The following CHFR variants were observed in gnomAD, a reference collection of about 807,000 sequenced individuals.
CHFR encodes E3 ubiquitin-protein ligase CHFR.
In CHFR, 57 loss-of-function variants were observed where a neutral mutation model predicts 87.6. That is an observed-to-expected ratio of 0.65 (90% CI 0.53 to 0.81). The LOEUF is 0.81. Among genes scored for constraint, CHFR ranks in the 30% least tolerant of loss-of-function variants. The pLI, the probability that CHFR is intolerant of heterozygous loss-of-function variation, is 0.00. For synonymous variants in CHFR, 381 were observed against 359.2 expected, an observed-to-expected ratio of 1.06 and a Z score of -0.69; for missense variants, 797 against 865.8, an observed-to-expected ratio of 0.92 and a Z score of 1.00.
Position 132,848,676 on chromosome 12 carries a change from C to T in CHFR, c.1541G>A (p.Arg514Gln), listed in dbSNP as rs146156998. The T allele has an allele frequency of 5.6e-6, 9 of 1,596,706 alleles. No homozygotes were observed. Among genetic ancestry groups the T allele is most frequent in the Admixed American group, 1.7e-5 (1 of 57,700 alleles). Residue 514 changes from arginine (R) to glutamine (Q), a missense_variant, in exon 13 of 18, where the codon CGG (arginine) becomes CAG (glutamine). Transcript: ENST00000450056. ...PFCHLYWGCT[R>Q]TGCYGCLAPF... ...GGCCAGGCAGCCGTAGCAGCCGGTC[C>T]GGGTGCAGCCCCAGTACAGGTGGCA...
intron 11 of CHFR, 93 bp downstream of exon 11, chr12:132,853,338 G>GGCGGGCAGAGC: frequency 7.7e-7 from 1 of 1,305,850 alleles, no homozygotes; most frequent in Non-Finnish European, 1.0e-6. Context: ...GCAGACAGGA[G>GGCGGGCAGAGC]GCGGGCAGAG....
chr12:132,841,235 GA>G lies in CHFR; in HGVS notation c.*318del. Reference sequence around the variant, plus strand: ...GACTTCTGCTTTAACTGTAGTTTCGGAAAATGTACAAAAGAGCAAAACTGCC... The same window carrying G: ...GACTTCTGCTTTAACTGTAGTTTCGGAAATGTACAAAAGAGCAAAACTGCC... On this transcript the variant is annotated 3_prime_UTR_variant, in exon 18 of 18. Transcript: ENST00000450056. 3.7e-6 allele frequency: 1 copy of G among 272,778 alleles called. No homozygotes were observed. 16.9% of individuals were successfully genotyped at this position (272,778 alleles called of 1,614,324 possible). A position where few individuals can be genotyped will look rare whatever the true frequency, so the allele number is the denominator to read the frequency against.
intron 2 of CHFR, 135 bp downstream of exon 2, chr12:132,887,060 TA>T: frequency 2.9e-6 from 2 of 693,112 alleles, no homozygotes; most frequent in Non-Finnish European, 4.4e-6. Flanking sequence ...GAACACCGAA[TA>T]AATACCAGTT....
At chr12:132,883,330 G>A (rs188596077) in intron 2 of CHFR, among the ~76,000 whole-genome samples, 48 of 151,110 alleles carry the variant, frequency 3.2e-4, no homozygotes, top group African/African-American at 1.0e-3. Flanking sequence ...GGATGCTGAG[G>A]AAGGAGAATC....
At position 132,851,661 on chromosome 12, in the gene CHFR, C is replaced by A; in HGVS notation, c.1449G>T (p.Arg483=). 2.5e-6 allele frequency: 4 copies of A among 1,613,202 alleles called. No individual in the cohort carries two copies. The highest frequency in any genetic ancestry group is 3.4e-6 in the Non-Finnish European group (4 of 1,179,920). Residue 483 remains arginine (R), a synonymous_variant, in exon 12 of 18, where the codon CGG becomes CGT. Coordinates refer to ENST00000450056, the MANE Select transcript of CHFR (RefSeq NM_001161346.2). ...GCGGGTCCTGCTCGCGCTCCGCTCT[C>A]CGGTCGGGCATGGGCTGGAAGCAGC... The part of the protein sequence containing the change: ...CTCCFQPMPD[R]RAEREQDPRV...
At chr12:132,853,969 C>T (rs1176723282) in intron 10 of CHFR, 1 of 177,950 alleles carries the variant, frequency 5.6e-6, no homozygotes, top group African/African-American at 2.4e-5. Context: ...TACTGGGAGC[C>T]ACACCAGGCG....
chr12:132,884,301 C>T (rs1281816904), intron 2 of CHFR, among the ~76,000 whole-genome samples: 1 of 151,806 alleles, frequency 6.6e-6, no homozygotes, highest in Non-Finnish European at 1.5e-5. Flanking sequence ...TACTTGTAAT[C>T]CCAGCTACTC....
At chr12:132,862,541 C>T (rs1951237243) in intron 6 of CHFR, 1 of 372,492 alleles carries the variant, frequency 2.7e-6, no homozygotes, top group Admixed American at 3.4e-5. Flanking sequence ...GAGTTCGAGG[C>T]TACAGTGAGC....
Position 132,856,527 on chromosome 12 carries a change from T to A in CHFR, c.1170A>T (p.Glu390Asp). ...GCTCCAGCAGGTCCTCTGAACTCCC[T>A]TCTTCATCAGAAAAAGACCGCCTGA... ...PKVRRSFSDEEGSSEDLLELS... is the reference protein window; with the variant it reads ...PKVRRSFSDEDGSSEDLLELS... Residue 390 changes from glutamate to aspartate, a missense_variant, in exon 10 of 18, where the codon GAA becomes GAT. By Grantham distance (45) the Glu-to-Asp change is conservative. Transcript: ENST00000450056. 6.2e-7 allele frequency: 1 copy of A among 1,614,218 alleles called. No individual in the cohort carries two copies. Among genetic ancestry groups the A allele is most frequent in the Non-Finnish European group, 8.5e-7 (1 of 1,180,038 alleles).
intron 15 of CHFR, 32 bp from the exon 16 acceptor site, chr12:132,844,166 A>G: frequency 2.1e-6 from 2 of 956,006 alleles, no homozygotes; most frequent in Non-Finnish European, 2.9e-6. Context: ...ACCCAGCAAC[A>G]CCATCTTCCC....
chr12:132,838,797 G>C lies in CHFR; in HGVS notation c.*2757C>G, dbSNP rs1352656818. ...GAGGAAGTACAGAAGCTCATGAAAAGACGGAATGAGTTCACGGCCACCTGC... is the reference window on the plus strand; with the variant it reads ...GAGGAAGTACAGAAGCTCATGAAAACACGGAATGAGTTCACGGCCACCTGC... On this transcript the variant is annotated 3_prime_UTR_variant, in exon 18 of 18. Transcript: ENST00000450056. 1 of 152,244 alleles carries C rather than the reference G, an allele frequency of 6.6e-6. No homozygotes were observed. The highest frequency in any genetic ancestry group is 1.5e-5 in the Non-Finnish European group (1 of 68,070). 9.4% of individuals were successfully genotyped at this position (152,244 alleles called of 1,614,324 possible). A position where few individuals can be genotyped will look rare whatever the true frequency, so the allele number is the denominator to read the frequency against.
intron 8 of CHFR, among the ~76,000 whole-genome samples, chr12:132,858,692 C>A (rs1951139086): frequency 8.1e-6 from 1 of 124,084 alleles, no homozygotes; most frequent in Admixed American, 1.0e-4. Flanking sequence ...TGTGCCACTG[C>A]ACTCCAGCCT....
intron 12 of CHFR, chr12:132,849,960 A>AT (rs1348123187): frequency 1.3e-5 from 2 of 148,368 alleles, no homozygotes; most frequent in Non-Finnish European, 3.0e-5. Flanking sequence ...TTATTTATTT[A>AT]TTTATTTATT....
chr12:132,851,787 G>C (rs537209321), intron 11 of CHFR, 50 bp from the exon 12 acceptor site: 3 of 1,579,004 alleles, frequency 1.9e-6, no homozygotes, highest in South Asian at 2.3e-5. Context: ...AGGGCAGAAA[G>C]ACAGCAGGTT....
At chr12:132,844,709 C>A (rs1406487747) in intron 15 of CHFR, among the ~76,000 whole-genome samples, 1 of 152,162 alleles carries the variant, frequency 6.6e-6, no homozygotes, top group Non-Finnish European at 1.5e-5. Flanking sequence ...CAGCTCACTG[C>A]AACCTCCACC....
Position 132,843,937 on chromosome 12 carries a change from G to A in CHFR, c.1843+90C>T, listed in dbSNP as rs549634294. 108 of 792,208 alleles carry A rather than the reference G, an allele frequency of 1.4e-4. No individual in the cohort carries two copies. The East Asian group carries it at 1.9e-3, about 14-fold the overall frequency. The allele number at this position is 792,208 out of a possible 1,614,324, so 49.1% of individuals were successfully genotyped here. A position where few individuals can be genotyped will look rare whatever the true frequency, so the allele number is the denominator to read the frequency against. On this transcript the variant is annotated intron_variant, in intron 16 of 17. Transcript: ENST00000450056. ...GCACTCCAGCCTGGGCAAAAACAGC[G>A]AAACTGTCTCAAAAAAAAAAAAGAG...
At chr12:132,848,487 C>T (rs1157401485) in intron 13 of CHFR, 154 bp downstream of exon 13, 4 of 702,202 alleles carry the variant, frequency 5.7e-6, no homozygotes, top group African/African-American at 1.8e-5. Flanking sequence ...TGACACACCT[C>T]TGCAGTCCAG....
In CHFR at chr12:132,870,709, T is replaced by C. The variant is rs1264547264; in HGVS notation, c.403+15A>G. 1 of 1,583,650 alleles carries C rather than the reference T, an allele frequency of 6.3e-7. No homozygotes were observed. Among genetic ancestry groups the C allele is most frequent in the Non-Finnish European group, 8.7e-7 (1 of 1,152,902 alleles). On this transcript the variant is annotated intron_variant, in intron 5 of 17. Transcript: ENST00000450056. ...TCCTAACATGCACCCACTTCTTTGC[T>C]ACACTCTTACTTACCAAAGGATTCT...
intron 16 of CHFR, among the ~76,000 whole-genome samples, 185 bp downstream of exon 16, chr12:132,843,842 A>G (rs551943872): frequency 6.6e-6 from 1 of 151,998 alleles, no homozygotes; most frequent in Non-Finnish European, 1.5e-5. Flanking sequence ...CCAGCTACTC[A>G]GGAGGCTAAG....
Sources: allele counts gnomAD v4.1 joint callset (sites outside exome capture counted in the v4.1 genomes callset), GRCh38; gene constraint gnomAD v4.1.1; transcripts MANE v1.5; gene names NCBI Gene and HGNC (gene_info 2026-07-23, HGNC 2026-07-21).